ANKRD11: variants seen among roughly 807,000 people sequenced by gnomAD.
ANKRD11 encodes the protein ankyrin repeat domain 11.
In ANKRD11, 17 loss-of-function variants were observed where a neutral mutation model predicts 195.7. That is an observed-to-expected ratio of 0.09 (90% confidence interval 0.06 to 0.13). The LOEUF (loss-of-function observed/expected upper bound fraction) is 0.13, where lower values mean the gene tolerates loss of function less well. Among genes scored for constraint, ANKRD11 ranks in the 10% least tolerant of loss-of-function variants. The pLI is 1.00. For synonymous variants in ANKRD11, 1,953 were observed against 1,528.1 expected, an observed-to-expected ratio of 1.28 and a Z score of -6.49; for missense variants, 3,735 against 3,566.1, an observed-to-expected ratio of 1.05 and a Z score of -1.21.
At chr16:89,488,894 AACT>A (rs951526055) in intron 1 of ANKRD11, 3 of 152,198 alleles carry the variant, frequency 2.0e-5, no homozygotes, top group African/African-American at 4.8e-5. Context: ...AAGGATACAA[AACT>A]ACTCATAATC....
intron 2 of ANKRD11, among the ~76,000 whole-genome samples, chr16:89,321,481 G>C (rs999202034): frequency 6.6e-6 from 1 of 151,014 alleles, no homozygotes; most frequent in Admixed American, 6.6e-5. Flanking sequence ...TGTGGGGCCG[G>C]GTGGGGAGCC....
At position 89,437,585 on chromosome 16, in the gene ANKRD11, A is replaced by G. The variant is rs546232200; in HGVS notation, c.-144-19217T>C. On this transcript the variant is annotated intron_variant, in intron 1 of 12. Coordinates refer to ENST00000301030, the MANE Select transcript of ANKRD11 (RefSeq NM_013275.6). The stretch of plus-strand genomic sequence containing the variant: ...CCTCCAGAGCTCTCTCCAACCTGAC[A>G]TCTCTCCCAAGAGCCCACTCACCAG... Among the ~76,000 whole-genome samples, 234 of 152,214 alleles carry G rather than the reference A, an allele frequency of 1.5e-3. 2 individuals are homozygous for G. Among genetic ancestry groups the G allele is most frequent in the African/African-American group, 5.4e-3 (225 of 41,538 alleles).
intron 1 of ANKRD11, among the ~76,000 whole-genome samples, chr16:89,462,486 G>A (rs1271906716): frequency 6.6e-6 from 1 of 151,924 alleles, no homozygotes; most frequent in African/African-American, 2.4e-5. Context: ...CTGCCCGGCC[G>A]CCACCCCGTC....
At chr16:89,269,040 G>A (rs970115960) in intron 12 of ANKRD11, among the ~76,000 whole-genome samples, 1 of 152,230 alleles carries the variant, frequency 6.6e-6, no homozygotes, top group African/African-American at 2.4e-5. Context: ...AGTTTCACTT[G>A]TATTTCTAGT....
chr16:89,484,892 G>A (rs1319653134), intron 1 of ANKRD11, among the ~76,000 whole-genome samples: 1 of 152,130 alleles, frequency 6.6e-6, no homozygotes, highest in Non-Finnish European at 1.5e-5. Flanking sequence ...AGATTTCCAG[G>A]ATAATAAATA....
At chr16:89,441,549 C>CTT (rs2043473757) in intron 1 of ANKRD11, among the ~76,000 whole-genome samples, 1 of 151,904 alleles carries the variant, frequency 6.6e-6, no homozygotes, top group Non-Finnish European at 1.5e-5. Flanking sequence ...GGGCGGATCA[C>CTT]GAGGTCAGCA....
At chr16:89,384,890 T>TTTTTTTTTTTTTTC (rs2040840382) in intron 2 of ANKRD11, among the ~76,000 whole-genome samples, 1 of 121,222 alleles carries the variant, frequency 8.2e-6, no homozygotes, top group African/African-American at 3.1e-5. Flanking sequence ...TTTTTTTTTT[T>TTTTTTTTTTTTTTC]TTTTTTTTTT....
chr16:89,358,728 G>A (rs868017769), intron 2 of ANKRD11, among the ~76,000 whole-genome samples: 1 of 152,182 alleles, frequency 6.6e-6, no homozygotes, highest in African/African-American at 2.4e-5. Context: ...CTGAGGACGG[G>A]ACATCTGCAC....
At chr16:89,308,765 G>C (rs747095960) in intron 3 of ANKRD11, among the ~76,000 whole-genome samples, 1 of 152,222 alleles carries the variant, frequency 6.6e-6, no homozygotes, top group Non-Finnish European at 1.5e-5. Context: ...AACAATTCTA[G>C]AATACAAATG....
intron 6 of ANKRD11, among the ~76,000 whole-genome samples, chr16:89,289,945 G>A (rs1036332731): frequency 1.3e-5 from 2 of 152,186 alleles, no homozygotes; most frequent in Admixed American, 1.3e-4. Flanking sequence ...TGGGAACATC[G>A]CTTGAGCCCA....
chr16:89,277,042 T>C (rs1474099553), intron 9 of ANKRD11, among the ~76,000 whole-genome samples: 15 of 131,656 alleles, frequency 1.1e-4, no homozygotes, highest in Non-Finnish European at 6.4e-5. Flanking sequence ...GGTGACAGAG[T>C]GAGACTCTGT....
chr16:89,429,327 A>G (rs76242024), intron 1 of ANKRD11, among the ~76,000 whole-genome samples: 1 of 52,100 alleles, frequency 1.9e-5, no homozygotes, highest in African/African-American at 6.7e-5. Flanking sequence ...CAGACGTTCT[A>G]GTACACAGCA....
chr16:89,289,363 T>C (rs56013820), intron 6 of ANKRD11, among the ~76,000 whole-genome samples: 5,197 of 152,330 alleles, frequency 0.034, 159 homozygotes, highest in East Asian at 0.066. Context: ...AGAAGGATTC[T>C]ACACACACGA....
chr16:89,436,297 C>G (rs1449778866), intron 1 of ANKRD11, among the ~76,000 whole-genome samples: 1 of 151,972 alleles, frequency 6.6e-6, no homozygotes, highest in African/African-American at 2.4e-5. Context: ...AACCTGTAGT[C>G]CCAGCTACGT....
intron 1 of ANKRD11, chr16:89,459,108 A>C (rs2056560984): frequency 5.1e-6 from 1 of 195,964 alleles, no homozygotes; most frequent in Non-Finnish European, 1.1e-5. Flanking sequence ...ATGGCTGCCA[A>C]TGCTAAGAAT....
intron 2 of ANKRD11, chr16:89,319,919 T>A (rs969627739): frequency 2.6e-5 from 4 of 152,606 alleles, no homozygotes; most frequent in African/African-American, 9.6e-5. Context: ...TCTGGCACCT[T>A]TGGCCCCCAC....
intron 7 of ANKRD11, 152 bp from the exon 8 acceptor site, chr16:89,286,338 G>T: frequency 8.8e-7 from 1 of 1,141,368 alleles, no homozygotes; most frequent in Admixed American, 1.9e-5. Context: ...AGCGCCCAGG[G>T]ACTGCCTGGC....
In ANKRD11 at chr16:89,284,008, A is replaced by C; in HGVS notation, c.2534T>G (p.Leu845Trp). 1 of 1,614,184 alleles carries C rather than the reference A, an allele frequency of 6.2e-7. No individual in the cohort carries two copies. The highest frequency in any genetic ancestry group is 1.7e-5 in the Admixed American group (1 of 60,024). ...DDQRDRWFSD[L>W]SDSSFDFKGE... ...TTTGAAATCAAAGGATGAATCGGAC[A>C]AGTCAGAAAACCACCGATCTCGCTG... Residue 845 changes from leucine to tryptophan, a missense_variant, in exon 9 of 13, where the codon TTG (leucine) becomes TGG (tryptophan). By Grantham distance (61) the Leu-to-Trp change is moderately conservative. Coordinates refer to ENST00000301030, the MANE Select transcript of ANKRD11 (RefSeq NM_013275.6).
chr16:89,459,068 C>T, intron 1 of ANKRD11: 1 of 183,334 alleles, frequency 5.5e-6, no homozygotes, highest in Admixed American at 5.2e-5. Context: ...ACCATACATG[C>T]ATTTATTCAC....
Sources: allele counts gnomAD v4.1 joint callset (sites outside exome capture counted in the v4.1 genomes callset), GRCh38; gene constraint gnomAD v4.1.1; transcripts MANE v1.5; gene names NCBI Gene and HGNC (gene_info 2026-07-23, HGNC 2026-07-21).